Variants in GYPE observed in about 807,000 individuals in gnomAD.
The protein encoded by GYPE is glycophorin-E.
Under a neutral mutation model 11.6 loss-of-function variants are expected in GYPE, and 8 were observed. That is an observed-to-expected ratio of 0.69 (90% confidence interval 0.41 to 1.25). The LOEUF (loss-of-function observed/expected upper bound fraction) is 1.25. Ranked by LOEUF, GYPE falls within the 50% of genes most tolerant of loss-of-function variation. GYPE has a pLI of 0.01. For missense variants in GYPE, 90 were observed against 92.8 expected (o/e 0.97, Z 0.12); for synonymous variants, 28 against 29.6 (o/e 0.94, Z 0.18).
At chr4:143,875,305 T>G (rs1193593972) in intron 3 of GYPE, 4 of 665,992 alleles carry the variant, frequency 6.0e-6, no homozygotes, top group Non-Finnish European at 1.0e-5. Context: ...ATGACTATAC[T>G]ACATGCAAAT....
At chr4:143,883,565 A>G (rs1017088060) in intron 1 of GYPE, among the ~76,000 whole-genome samples, 4 of 144,464 alleles carry the variant, frequency 2.8e-5, no homozygotes, top group African/African-American at 1.0e-4. Context: ...TATAATTATT[A>G]ATAACATGTA....
chr4:143,891,363 C>T (rs1362368364), intron 1 of GYPE, among the ~76,000 whole-genome samples: 4 of 133,080 alleles, frequency 3.0e-5, no homozygotes, highest in Admixed American at 8.3e-5. Context: ...GAGGCTTGCT[C>T]TGTCGCCCAA....
At chr4:143,874,393 G>C (rs1385266917) in intron 3 of GYPE, among the ~76,000 whole-genome samples, 1 of 152,018 alleles carries the variant, frequency 6.6e-6, no homozygotes, top group Non-Finnish European at 1.5e-5. Flanking sequence ...AGACCTACCA[G>C]ATTTTATCAT....
intron 1 of GYPE, among the ~76,000 whole-genome samples, chr4:143,900,575 A>G (rs1335748448): frequency 1.4e-5 from 2 of 145,432 alleles, no homozygotes; most frequent in African/African-American, 2.5e-5. Flanking sequence ...AATGTGATAT[A>G]TCAACCCAAA....
At chr4:143,873,088 C>T (rs1056733348) in intron 3 of GYPE, among the ~76,000 whole-genome samples, 1 of 152,158 alleles carries the variant, frequency 6.6e-6, no homozygotes, top group African/African-American at 2.4e-5. Flanking sequence ...GGGAGACAAG[C>T]TGTGGGGCTG....
chr4:143,875,499 C>G (rs1743760273), intron 3 of GYPE: 1 of 1,551,100 alleles, frequency 6.4e-7, no homozygotes, highest in Non-Finnish European at 8.7e-7. Context: ...ATGCAGGCCA[C>G]ATCCTCATGC....
chr4:143,889,593 C>G (rs920582686), intron 1 of GYPE, among the ~76,000 whole-genome samples: 2 of 152,182 alleles, frequency 1.3e-5, no homozygotes, highest in African/African-American at 4.8e-5. Context: ...CCTCAAACTC[C>G]TAGGCTCAAG....
At chr4:143,894,359 G>C (rs1456033673) in intron 1 of GYPE, among the ~76,000 whole-genome samples, 1 of 152,140 alleles carries the variant, frequency 6.6e-6, no homozygotes, top group Admixed American at 6.5e-5. Context: ...GAGAGGAACT[G>C]TGTTCCTTTG....
intron 1 of GYPE, among the ~76,000 whole-genome samples, chr4:143,891,910 G>T (rs184297514): frequency 1.4e-3 from 213 of 152,214 alleles, no homozygotes; most frequent in African/African-American, 4.4e-3. Flanking sequence ...TGTACCTCTG[G>T]TAGAATTCGG....
chr4:143,874,390 C>A (rs1037807532), intron 3 of GYPE, among the ~76,000 whole-genome samples: 2 of 152,088 alleles, frequency 1.3e-5, no homozygotes, highest in African/African-American at 4.8e-5. Flanking sequence ...ATCAGACCTA[C>A]CAGATTTTAT....
At chr4:143,880,833 T>G (rs1743996185) in intron 1 of GYPE, among the ~76,000 whole-genome samples, 2 of 152,120 alleles carry the variant, frequency 1.3e-5, no homozygotes, top group Non-Finnish European at 2.9e-5. Flanking sequence ...TTTAAATATG[T>G]GTATGTGGTG....
chr4:143,897,017 G>A (rs1457010238), intron 1 of GYPE, among the ~76,000 whole-genome samples: 1 of 151,216 alleles, frequency 6.6e-6, no homozygotes, highest in African/African-American at 2.4e-5. Context: ...TGGGGTGGGG[G>A]CAGGGGGGAG....
At chr4:143,873,253 T>A in intron 3 of GYPE, 1 of 306,344 alleles carries the variant, frequency 3.3e-6, no homozygotes, top group South Asian at 3.2e-5. Context: ...TATGCTTTGC[T>A]AGGCCTAGAA....
At chr4:143,899,593 A>C (rs1744785762) in intron 1 of GYPE, among the ~76,000 whole-genome samples, 1 of 152,008 alleles carries the variant, frequency 6.6e-6, no homozygotes, top group Non-Finnish European at 1.5e-5. Flanking sequence ...AACAGCAATA[A>C]AATCTGTGTG....
rs544839924 is a variant in GYPE, at chr4:143,873,724, A to G, written c.*10-1472T>C. ...GAAAGAAGGCAGTTTGAGAAATGGT[A>G]TATTCTTCACTGTGAAATGATTGAC... On this transcript the variant is annotated intron_variant, in intron 3 of 3. Coordinates refer to ENST00000358615, the MANE Select transcript of GYPE (RefSeq NM_198682.3). Among the ~76,000 whole-genome samples the G allele has an allele frequency of 2.8e-4, 43 of 152,260 alleles. No homozygotes were observed. In the South Asian group the frequency reaches 7.2e-3, roughly 26 times the overall value.
chr4:143,878,684 A>T (rs775521232), intron 2 of GYPE: 22 of 492,534 alleles, frequency 4.5e-5, no homozygotes, highest in African/African-American at 4.3e-4. Flanking sequence ...TCTCCTATAA[A>T]GCGAAATTTC....
intron 3 of GYPE, chr4:143,875,626 G>C: frequency 6.7e-7 from 1 of 1,489,042 alleles, no homozygotes; most frequent in Non-Finnish European, 9.1e-7. Context: ...CCAATTGGAG[G>C]CTTCTAAAGG....
At chr4:143,879,385 AG>A (rs1476231240) in intron 2 of GYPE, among the ~76,000 whole-genome samples, 1 of 152,180 alleles carries the variant, frequency 6.6e-6, no homozygotes, top group Non-Finnish European at 1.5e-5. Context: ...TTGAGGATTC[AG>A]GTATATTTTT....
chr4:143,878,974 C>A (rs1285158451), intron 2 of GYPE, among the ~76,000 whole-genome samples: 2 of 152,056 alleles, frequency 1.3e-5, no homozygotes, highest in African/African-American at 2.4e-5. Context: ...TTATTGACTT[C>A]CACAAGAAGC....
Sources: gnomAD v4.1 joint callset for allele counts (sites outside exome capture counted in the v4.1 genomes callset) on GRCh38, gnomAD v4.1.1 for gene constraint, MANE v1.5 for transcripts, NCBI Gene and HGNC (gene_info 2026-07-23, HGNC 2026-07-21) for gene names.